Variants in AGPAT5 observed in about 807,000 individuals in gnomAD.
AGPAT5 encodes the protein 1-acylglycerol-3-phosphate O-acyltransferase 5.
AGPAT5 carries 46 observed loss-of-function variants against 45.6 expected under a neutral mutation model. That is an observed-to-expected ratio of 1.01 (90% CI 0.80 to 1.29). The LOEUF (loss-of-function observed/expected upper bound fraction) is 1.29, where lower values mean the gene tolerates loss of function less well. AGPAT5 is among the 50% of genes most tolerant of loss of function. The pLI is 0.00. For missense variants in AGPAT5, 673 were observed against 450.7 expected (o/e 1.49, Z -4.47); for synonymous variants, 272 against 167.0 (o/e 1.63, Z -4.85).
At chr8:6,709,540 A>T (rs1800070504) in intron 1 of AGPAT5, 1 of 148,228 alleles carries the variant, frequency 6.7e-6, no homozygotes, top group South Asian at 2.2e-4. Flanking sequence ...GCCCTCTTTA[A>T]CAGTAGGTAT....
At chr8:6,725,004 C>A (rs1380727781) in intron 2 of AGPAT5, 65 bp downstream of exon 2, 2 of 551,226 alleles carry the variant, frequency 3.6e-6, no homozygotes, top group South Asian at 8.3e-5. Flanking sequence ...TTCAAAATAC[C>A]GTTCTTATAT....
chr8:6,756,941 T>G (rs931242983), intron 7 of AGPAT5, among the ~76,000 whole-genome samples: 1 of 152,244 alleles, frequency 6.6e-6, no homozygotes, highest in Admixed American at 6.5e-5. Flanking sequence ...CCTGTTGAAA[T>G]ATTACATATA....
chr8:6,710,406 T>C (rs1221409112), intron 1 of AGPAT5, among the ~76,000 whole-genome samples: 1 of 152,238 alleles, frequency 6.6e-6, no homozygotes, highest in Non-Finnish European at 1.5e-5. Flanking sequence ...CCAGCACTAA[T>C]TTTCATGCAT....
chr8:6,711,777 A>G (rs989898514), intron 1 of AGPAT5, among the ~76,000 whole-genome samples: 1 of 152,104 alleles, frequency 6.6e-6, no homozygotes, highest in African/African-American at 2.4e-5. Context: ...GACTGGTGGC[A>G]TTCCTTGGCT....
At chr8:6,712,889 T>A (rs971705833) in intron 1 of AGPAT5, among the ~76,000 whole-genome samples, 6 of 152,224 alleles carry the variant, frequency 3.9e-5, no homozygotes, top group African/African-American at 1.4e-4. Context: ...TCTTTTTTCT[T>A]TGCTTCTTTT....
chr8:6,751,024 C>G (rs780054514), intron 6 of AGPAT5, among the ~76,000 whole-genome samples: 14 of 152,078 alleles, frequency 9.2e-5, no homozygotes, highest in Non-Finnish European at 2.1e-4. Flanking sequence ...CTTGAAAAAA[C>G]TCTGCTTTCA....
chr8:6,738,342 A>G (rs1257445091), intron 4 of AGPAT5: 1 of 152,254 alleles, frequency 6.6e-6, no homozygotes, highest in Non-Finnish European at 1.5e-5. Context: ...AAGGGGCGGT[A>G]GAGAGAAAGA....
At position 6,732,770 on chromosome 8, in the gene AGPAT5, G is replaced by T. The variant is rs186524928; in HGVS notation, c.495+120G>T. On this transcript the variant is annotated intron_variant, in intron 4 of 7. Transcript: ENST00000285518. ...TTCCCATGTGTAATTACTAATTCAG[G>T]GTTATGCTGAGGTAACAGAAACCCT... 5 of 918,724 alleles carry T rather than the reference G, an allele frequency of 5.4e-6. No homozygotes were observed. In the Admixed American group the frequency reaches 1.0e-4, roughly 19 times the overall value. 56.9% of individuals were successfully genotyped at this position (918,724 alleles called of 1,614,324 possible). A position where few individuals can be genotyped will look rare whatever the true frequency, so the allele number is the denominator to read the frequency against.
intron 7 of AGPAT5, among the ~76,000 whole-genome samples, chr8:6,756,947 A>T (rs1801862235): frequency 6.6e-6 from 1 of 152,236 alleles, no homozygotes; most frequent in Non-Finnish European, 1.5e-5. Flanking sequence ...GAAATATTAC[A>T]TATACAATTC....
intron 6 of AGPAT5, among the ~76,000 whole-genome samples, chr8:6,752,183 A>AC (rs1801678830): frequency 6.6e-6 from 1 of 152,202 alleles, no homozygotes; most frequent in African/African-American, 2.4e-5. Context: ...CCTAAAAAAA[A>AC]AGGGATCAGG....
intron 5 of AGPAT5, among the ~76,000 whole-genome samples, chr8:6,744,356 TAAG>T (rs1801353191): frequency 6.6e-6 from 1 of 152,206 alleles, no homozygotes; most frequent in Non-Finnish European, 1.5e-5. Flanking sequence ...CTCTCGCTCT[TAAG>T]AAGGTGTGTT....
intron 3 of AGPAT5, 34 bp from the exon 4 acceptor site, chr8:6,732,527 G>C: frequency 3.2e-6 from 5 of 1,552,334 alleles, no homozygotes; most frequent in Non-Finnish European, 3.5e-6. Flanking sequence ...TATTTTAAAA[G>C]TAAATGCTCT....
chr8:6,715,709 A>T (rs572150164), intron 1 of AGPAT5, among the ~76,000 whole-genome samples: 1 of 152,198 alleles, frequency 6.6e-6, no homozygotes, highest in African/African-American at 2.4e-5. Context: ...TAGGAAAGAC[A>T]TGAACTGCCA....
At chr8:6,746,564 G>A (rs961863399) in intron 5 of AGPAT5, among the ~76,000 whole-genome samples, 2 of 152,120 alleles carry the variant, frequency 1.3e-5, no homozygotes. Flanking sequence ...ACAAATAAAT[G>A]CTTCCCAGCT....
intron 5 of AGPAT5, among the ~76,000 whole-genome samples, chr8:6,747,258 G>A (rs937307595): frequency 3.9e-5 from 6 of 152,228 alleles, no homozygotes; most frequent in African/African-American, 1.2e-4. Context: ...CATGCTGAGC[G>A]AAAGAAGCCA....
chr8:6,725,940 G>A (rs1262918718), intron 2 of AGPAT5, among the ~76,000 whole-genome samples: 1 of 151,858 alleles, frequency 6.6e-6, no homozygotes, highest in East Asian at 1.9e-4. Flanking sequence ...CCATAGATGA[G>A]GTATAGAAAG....
rs541327550 is a variant in AGPAT5, at chr8:6,753,045, C to T, written c.746-2006C>T. On this transcript the variant is annotated intron_variant, in intron 6 of 7. Transcript: ENST00000285518. ...ATCTTACAAGGAGATAATAACAGCC[C>T]CTGCCTGCGTAGAATTGCAGAGATC... 3.3e-5 allele frequency among the ~76,000 whole-genome samples: 5 copies of T among 152,210 alleles called. No homozygotes were observed. In the South Asian group the frequency reaches 1.0e-3, roughly 32 times the overall value.
At chr8:6,751,208 G>A (rs144389357) in intron 6 of AGPAT5, among the ~76,000 whole-genome samples, 1 of 152,234 alleles carries the variant, frequency 6.6e-6, no homozygotes, top group Non-Finnish European at 1.5e-5. Context: ...AATACTGTAA[G>A]TACTTTGTGG....
chr8:6,744,131 A>G (rs1801342481), intron 5 of AGPAT5, among the ~76,000 whole-genome samples: 1 of 152,166 alleles, frequency 6.6e-6, no homozygotes, highest in Non-Finnish European at 1.5e-5. Flanking sequence ...TTAATATTAC[A>G]AAAGTGCTTC....
Sources: gnomAD v4.1 joint callset for allele counts (sites outside exome capture counted in the v4.1 genomes callset) on GRCh38, gnomAD v4.1.1 for gene constraint, MANE v1.5 for transcripts, NCBI Gene and HGNC (gene_info 2026-07-23, HGNC 2026-07-21) for gene names.